The following SRGAP1 variants were observed in gnomAD, a reference collection of about 807,000 sequenced individuals.
SRGAP1 encodes the protein SLIT-ROBO Rho GTPase activating protein 1.
Under a neutral mutation model 121.9 loss-of-function variants are expected in SRGAP1, and 43 were observed. That is an observed-to-expected ratio of 0.35 (90% CI 0.28 to 0.46). The LOEUF (loss-of-function observed/expected upper bound fraction) is 0.46. Among genes scored for constraint, SRGAP1 ranks in the 20% least tolerant of loss-of-function variants. SRGAP1 has a pLI of 1.00. For synonymous variants in SRGAP1, 447 were observed against 485.4 expected, an observed-to-expected ratio of 0.92 and a Z score of 1.04; for missense variants, 1,102 against 1,350.9, an observed-to-expected ratio of 0.82 and a Z score of 2.89.
chr12:64,035,056 A>T (rs75246008), intron 4 of SRGAP1, among the ~76,000 whole-genome samples: 1 of 110,778 alleles, frequency 9.0e-6, no homozygotes, highest in East Asian at 2.3e-4. Context: ...AAAAAAAAAA[A>T]AAAAAGAAAA....
At chr12:63,860,900 A>G (rs1406523883) in intron 1 of SRGAP1, among the ~76,000 whole-genome samples, 1 of 150,950 alleles carries the variant, frequency 6.6e-6, no homozygotes, top group Admixed American at 6.6e-5. Flanking sequence ...CACAGGTGTA[A>G]TCATTGTGCA....
At chr12:63,950,052 T>TC (rs1455633969) in intron 1 of SRGAP1, among the ~76,000 whole-genome samples, 1 of 152,208 alleles carries the variant, frequency 6.6e-6, no homozygotes, top group Non-Finnish European at 1.5e-5. Context: ...TAACTGGTTA[T>TC]CAGACCTCAG....
At chr12:64,139,651 C>T (rs1001172579) in intron 21 of SRGAP1, among the ~76,000 whole-genome samples, 6 of 151,720 alleles carry the variant, frequency 4.0e-5, no homozygotes, top group South Asian at 4.2e-4. Flanking sequence ...GCCCTTTGTC[C>T]GATGAGTAGG....
At chr12:63,996,401 GT>G (rs35232821) in intron 3 of SRGAP1, among the ~76,000 whole-genome samples, 2 of 151,912 alleles carry the variant, frequency 1.3e-5, no homozygotes, top group Non-Finnish European at 2.9e-5. Flanking sequence ...GGCCATGTTA[GT>G]TTTCTGTTGT....
chr12:64,137,585 G>T (rs1240888575), intron 21 of SRGAP1, among the ~76,000 whole-genome samples: 5 of 152,126 alleles, frequency 3.3e-5, no homozygotes, highest in Non-Finnish European at 7.4e-5. Context: ...TTTTTCAAAA[G>T]ACTACCACAT....
intron 1 of SRGAP1, among the ~76,000 whole-genome samples, chr12:63,956,807 G>T (rs1451905863): frequency 7.3e-6 from 1 of 137,882 alleles, no homozygotes; most frequent in East Asian, 2.2e-4. Context: ...ATGGTTTTTA[G>T]TATATTCAGA....
At chr12:63,971,990 T>C (rs529584873) in intron 1 of SRGAP1, among the ~76,000 whole-genome samples, 1 of 152,298 alleles carries the variant, frequency 6.6e-6, no homozygotes, top group Admixed American at 6.5e-5. Flanking sequence ...CCAGAGGTGA[T>C]TGGAGCTCTC....
At position 64,023,204 on chromosome 12, in the gene SRGAP1, CAAAA is replaced by C. The variant is rs11312893; in HGVS notation, c.489+6212_489+6215del. Among the ~76,000 whole-genome samples, 190 of 77,114 alleles carry C rather than the reference CAAAA, an allele frequency of 2.5e-3. 2 individuals carry two copies. Among genetic ancestry groups the C allele is most frequent in the African/African-American group, 8.6e-3 (170 of 19,860 alleles). 50.6% of individuals were successfully genotyped at this position (77,114 alleles called of 152,430 possible). ...TGATGAATATATGTTACTTTTGTAC[CAAAA>C]AAAAAAAAAAAAAAAAAAAGGAAGG... is the stretch of plus-strand genomic sequence containing the variant. On this transcript the variant is annotated intron_variant, in intron 4 of 21. Coordinates refer to ENST00000355086, the MANE Select transcript of SRGAP1 (RefSeq NM_020762.4).
chr12:63,939,347 T>C (rs2031780043), intron 1 of SRGAP1, among the ~76,000 whole-genome samples: 1 of 152,022 alleles, frequency 6.6e-6, no homozygotes, highest in Non-Finnish European at 1.5e-5. Context: ...TGAGACTATA[T>C]GAACAAAGAA....
chr12:64,076,020 A>G (rs1011893513), intron 8 of SRGAP1, among the ~76,000 whole-genome samples: 5 of 152,218 alleles, frequency 3.3e-5, no homozygotes, highest in Non-Finnish European at 5.9e-5. Flanking sequence ...GACAAGATGC[A>G]TGGCCAAGCC....
At chr12:64,041,310 G>T (rs142268870) in intron 4 of SRGAP1, among the ~76,000 whole-genome samples, 1 of 151,864 alleles carries the variant, frequency 6.6e-6, no homozygotes. Flanking sequence ...AATTACAAAC[G>T]TAGGATGATC....
chr12:63,856,083 C>T (rs907744017), intron 1 of SRGAP1, among the ~76,000 whole-genome samples: 6 of 151,826 alleles, frequency 4.0e-5, no homozygotes, highest in Non-Finnish European at 7.4e-5. Flanking sequence ...CATGGCGAAA[C>T]GCCATCTCTA....
intron 1 of SRGAP1, among the ~76,000 whole-genome samples, chr12:63,925,373 T>C (rs1475508362): frequency 6.6e-6 from 1 of 152,200 alleles, no homozygotes; most frequent in African/African-American, 2.4e-5. Flanking sequence ...GTCTTAATTT[T>C]GATGAGGGGT....
intron 1 of SRGAP1, among the ~76,000 whole-genome samples, chr12:63,952,731 T>A (rs1162595890): frequency 6.6e-6 from 1 of 152,098 alleles, no homozygotes; most frequent in Non-Finnish European, 1.5e-5. Context: ...CAAAGAGCCC[T>A]GAGTGGAGGT....
intron 1 of SRGAP1, among the ~76,000 whole-genome samples, chr12:63,925,646 G>A (rs1018194988): frequency 2.6e-5 from 4 of 152,094 alleles, no homozygotes; most frequent in African/African-American, 9.7e-5. Context: ...GTAGAAAAAG[G>A]AATAAAGCAA....
chr12:63,978,958 T>C (rs2033171099), intron 1 of SRGAP1, among the ~76,000 whole-genome samples: 1 of 152,150 alleles, frequency 6.6e-6, no homozygotes, highest in South Asian at 2.1e-4. Context: ...GCTAATGATA[T>C]TGAGCAACTT....
rs1196649765 is a variant in SRGAP1 at position 64,161,881 on chromosome 12, A to C, written c.*19209A>C. ...TTGATACAATGGAATACTATTCTGT[A>C]ATGAAGATGGGAAAGAACGGAGTAC... On this transcript the variant is annotated 3_prime_UTR_variant, in exon 22 of 22. Transcript: ENST00000355086. 2.0e-5 allele frequency: 3 copies of C among 152,232 alleles called. No homozygotes were observed. Among genetic ancestry groups the C allele is most frequent in the Non-Finnish European group, 4.4e-5 (3 of 68,036 alleles). The allele number at this position is 152,232 out of a possible 1,614,324, so 9.4% of individuals were successfully genotyped here.
At chr12:63,950,806 C>G (rs1278795784) in intron 1 of SRGAP1, among the ~76,000 whole-genome samples, 2 of 152,152 alleles carry the variant, frequency 1.3e-5, no homozygotes, top group Non-Finnish European at 2.9e-5. Flanking sequence ...TTGATCATTT[C>G]AAACAGTGAC....
intron 18 of SRGAP1, among the ~76,000 whole-genome samples, chr12:64,122,026 A>C (rs541995271): frequency 6.6e-6 from 1 of 152,296 alleles, no homozygotes; most frequent in South Asian, 2.1e-4. Context: ...ACAGAACAAA[A>C]CCATTCTCTG....
Sources: gnomAD v4.1 joint callset for allele counts (sites outside exome capture counted in the v4.1 genomes callset) on GRCh38, gnomAD v4.1.1 for gene constraint, MANE v1.5 for transcripts, NCBI Gene and HGNC (gene_info 2026-07-23, HGNC 2026-07-21) for gene names.